The following ENPP5 variants were observed in gnomAD, a reference collection of about 807,000 sequenced individuals.
The protein encoded by ENPP5 is E-NPP 5.
ENPP5 carries 27 observed loss-of-function variants against 33.7 expected under a neutral mutation model. The ratio of observed to expected loss-of-function variants is 0.80; its 90% confidence interval spans 0.59 to 1.11. The LOEUF is 1.11. Ranked by LOEUF, ENPP5 falls within the 50% of genes least tolerant of loss-of-function variation. ENPP5 has a pLI of 0.00. For missense variants in ENPP5, 552 were observed against 579.2 expected (o/e 0.95, Z 0.48); for synonymous variants, 199 against 200.5 (o/e 0.99, Z 0.06).
chr6:46,169,676 G>C (rs1764678321), intron 2 of ENPP5, among the ~76,000 whole-genome samples: 1 of 152,200 alleles, frequency 6.6e-6, no homozygotes, highest in African/African-American at 2.4e-5. Flanking sequence ...TTACAGGCAT[G>C]AGCCACCGCA....
At chr6:46,164,787 G>C (rs1581969197) in intron 4 of ENPP5, among the ~76,000 whole-genome samples, 1 of 144,872 alleles carries the variant, frequency 6.9e-6, no homozygotes, top group Non-Finnish European at 1.5e-5. Flanking sequence ...CGCCCAGGCT[G>C]GAGTGCAGTG....
Position 46,161,746 on chromosome 6 carries a change from G to A in ENPP5, c.1014C>T (p.Asn338=). 1 of 1,606,672 alleles carries A rather than the reference G, an allele frequency of 6.2e-7. No homozygotes were observed. The highest frequency in any genetic ancestry group is 8.5e-7 in the Non-Finnish European group (1 of 1,178,654). The stretch of plus-strand genomic sequence containing the variant: ...CTGCTAACGCATTATCGTAACCGTG[G>A]TTGCCTACTGTAAAGAGAAAATATG... ...QNKSDDFLLG[N]HGYDNALADM... is the part of the protein sequence containing the mutation. The change falls in exon 5 of 5, where the codon AAC becomes AAT. Residue 338 remains asparagine, a synonymous_variant. Transcript: ENST00000371383.
intron 3 of ENPP5, among the ~76,000 whole-genome samples, chr6:46,166,397 A>T (rs974052529): frequency 6.7e-6 from 1 of 150,176 alleles, no homozygotes. Context: ...GGGCTCAAGC[A>T]ACCCTTCCAC....
In ENPP5 at chr6:46,161,674, AT is replaced by A. The variant is rs1381488240; in HGVS notation, c.1085del (p.Asn362IlefsTer7). 1 of 1,613,928 alleles carries A rather than the reference AT, an allele frequency of 6.2e-7. No homozygotes were observed. Among genetic ancestry groups the A allele is most frequent in the Non-Finnish European group, 8.5e-7 (1 of 1,179,870 alleles). On this transcript the variant is annotated frameshift_variant, in exon 5 of 5. Coordinates refer to ENST00000371383, the MANE Select transcript of ENPP5 (RefSeq NM_001290072.2). LOFTEE classifies it high-confidence loss of function. The part of the protein sequence containing the change: ...FLAHGPAFRK[N>X]FSKEAMNSTD... The stretch of plus-strand genomic sequence containing the variant: ...TGGAGTTCATGGCTTCTTTTGAGAA[AT>A]TCTTTCTGAAGGCAGGACCATGGGC...
In ENPP5 at chr6:46,161,560, A is replaced by G. The variant is rs372833762; in HGVS notation, c.1200T>C (p.Asn400=). The change falls in exon 5 of 5, where the codon AAT becomes AAC. Residue 400 remains asparagine, a synonymous_variant. Coordinates refer to ENST00000371383, the MANE Select transcript of ENPP5 (RefSeq NM_001290072.2). ...GSFWNVQDLL[N]SAMPRVVPYT... is the part of the protein sequence containing the mutation. ...AAGGGACCACCCTTGGCATTGCTGA[A>G]TTGAGCAGATCCTGGACATTCCAGA... The G allele has an allele frequency of 2.5e-6, 4 of 1,614,106 alleles. No homozygotes were observed. Among genetic ancestry groups the G allele is most frequent in the Non-Finnish European group, 3.4e-6 (4 of 1,179,964 alleles).
rs1368444908 is a variant in ENPP5 at position 46,168,225 on chromosome 6, G to GCCTGAGGACAC, written c.37_38insGTGTCCTCAGG (p.Ala13GlyfsTer7). 1.0e-5 allele frequency: 16 copies of GCCTGAGGACAC among 1,605,198 alleles called. No individual in the cohort carries two copies. Among genetic ancestry groups the GCCTGAGGACAC allele is most frequent in the Admixed American group, 1.7e-5 (1 of 59,292 alleles). On this transcript the variant is annotated frameshift_variant, in exon 3 of 5. Transcript: ENST00000371383. LOFTEE classifies it high-confidence loss of function. ...AAAGGTGGTTGAAAGACTCAGTGCA[G>GCCTGAGGACAC]CAAGTATGAAGGACACCAAGAGAAA...
At chr6:46,167,363 C>A in intron 3 of ENPP5, 71 bp downstream of exon 3, 1 of 973,740 alleles carries the variant, frequency 1.0e-6, no homozygotes, top group African/African-American at 1.6e-5. Context: ...CAACAGAAAT[C>A]CCTGTTCATT....
At chr6:46,169,455 C>G (rs1009391906) in intron 2 of ENPP5, among the ~76,000 whole-genome samples, 1 of 151,012 alleles carries the variant, frequency 6.6e-6, no homozygotes, top group African/African-American at 2.4e-5. Flanking sequence ...TGCGGTGGCA[C>G]GATCTCAGCT....
In ENPP5 at chr6:46,167,858, A is replaced by C. The variant is rs745535214; in HGVS notation, c.405T>G (p.Gly135=). The change falls in exon 3 of 5, where the codon GGT becomes GGG. Residue 135 remains glycine (G), a synonymous_variant. Transcript: ENST00000371383. ...CATCTGTTCCGGGCCACATGGCTGC[A>C]CCACTAGTATGTCCTGCCCTCTGGT... ...ITNQRAGHTS[G]AAMWPGTDVK... The C allele has an allele frequency of 1.2e-6, 2 of 1,614,224 alleles. No individual in the cohort carries two copies. The highest frequency in any genetic ancestry group is 1.7e-6 in the Non-Finnish European group (2 of 1,180,048).
chr6:46,161,447 G>A lies in ENPP5; in HGVS notation c.1313C>T (p.Ser438Phe). ...TACAATCACTATAATGCTGCCAAGA[G>A]AGACCCCTATGAAATAAGGGTATGA... ...EGSYPYFIGV[S>F]LGSIIVIVFF... is the part of the protein sequence containing the mutation. Residue 438 changes from serine (S) to phenylalanine (F), a missense_variant, in exon 5 of 5, where the codon TCT (serine) becomes TTT (phenylalanine). Physicochemically the swap from Ser to Phe is radical, Grantham distance 155. Coordinates refer to ENST00000371383, the MANE Select transcript of ENPP5 (RefSeq NM_001290072.2). 1 of 1,613,710 alleles carries A rather than the reference G, an allele frequency of 6.2e-7. No homozygotes were observed. Among genetic ancestry groups the A allele is most frequent in the African/African-American group, 1.3e-5 (1 of 75,036 alleles).
chr6:46,170,533 G>A (rs1328252973), intron 1 of ENPP5, among the ~76,000 whole-genome samples: 1 of 152,106 alleles, frequency 6.6e-6, no homozygotes, highest in African/African-American at 2.4e-5. Context: ...GAAGGACGGG[G>A]CACCGATTAA....
chr6:46,167,600 C>T lies in ENPP5; in HGVS notation c.663G>A (p.Met221Ile). ...TGTTCCACAACTTTGCCTTTTTCAG[C>T]ATTTGTATGAGATATCCTAACTTCT... ...IDKKLGYLIQ[M>I]LKKAKLWNTL... The change falls in exon 3 of 5, where the codon ATG becomes ATA. Residue 221 changes from methionine (M) to isoleucine (I), a missense_variant. Physicochemically the swap from Met to Ile is conservative, Grantham distance 10 (BLOSUM62 1). Transcript: ENST00000371383. The T allele has an allele frequency of 6.2e-7, 1 of 1,614,190 alleles. No individual in the cohort carries two copies. The highest frequency in any genetic ancestry group is 1.6e-4 in the Middle Eastern group (1 of 6,062).
rs1489096807 is a variant in ENPP5 at position 46,167,653 on chromosome 6, T to C, written c.610A>G (p.Met204Val). 4 of 1,614,082 alleles carry C rather than the reference T, an allele frequency of 2.5e-6. No individual in the cohort carries two copies. In the African/African-American group the frequency reaches 5.3e-5, roughly 22 times the overall value. Residue 204 changes from methionine to valine, a missense_variant, in exon 3 of 5, where the codon ATG (methionine) becomes GTG (valine). Coordinates refer to ENST00000371383, the MANE Select transcript of ENPP5 (RefSeq NM_001290072.2). The part of the protein sequence containing the change: ...GHHLGPDSPL[M>V]GPVISDIDKK... ...TCAATATCTGAAATGACAGGCCCCA[T>C]GAGCGGACTGTCAGGTCCCAAATGG...
At chr6:46,163,840 T>C (rs1764461993) in intron 4 of ENPP5, among the ~76,000 whole-genome samples, 1 of 152,138 alleles carries the variant, frequency 6.6e-6, no homozygotes, top group African/African-American at 2.4e-5. Flanking sequence ...AAACAAGAAA[T>C]GGGGAAAGGA....
chr6:46,161,481 G>C lies in ENPP5; in HGVS notation c.1279C>G (p.Gln427Glu), dbSNP rs1277801740. Residue 427 changes from glutamine to glutamate, a missense_variant, in exon 5 of 5, where the codon CAA becomes GAA. Gln to Glu is a conservative substitution (Grantham distance 29). Coordinates refer to ENST00000371383, the MANE Select transcript of ENPP5 (RefSeq NM_001290072.2). ...ATGAAATAAGGGTATGACCCCTCTT[G>C]GTCATATTCTGCTGGTTTAACACTA... ...PGSVKPAEYD[Q>E]EGSYPYFIGV... 6.2e-7 allele frequency: 1 copy of C among 1,613,916 alleles called. No homozygotes were observed. Among genetic ancestry groups the C allele is most frequent in the Non-Finnish European group, 8.5e-7 (1 of 1,179,958 alleles).
In ENPP5 at chr6:46,167,415, T is replaced by C. The variant is rs1407431712; in HGVS notation, c.829+19A>G. ...ATGCACATCTAGTCTCAGCTCACCA[T>C]TCATTCAGTCAGCCTTACCTTCTTT... On this transcript the variant is annotated intron_variant, in intron 3 of 4. Coordinates refer to ENST00000371383, the MANE Select transcript of ENPP5 (RefSeq NM_001290072.2). 1.3e-6 allele frequency: 2 copies of C among 1,505,142 alleles called. No homozygotes were observed. Among genetic ancestry groups the C allele is most frequent in the Non-Finnish European group, 1.8e-6 (2 of 1,085,918 alleles). The allele number at this position is 1,505,142 out of a possible 1,614,324, so 93.2% of individuals were successfully genotyped here.
intron 4 of ENPP5, among the ~76,000 whole-genome samples, chr6:46,164,004 C>T (rs1214787822): frequency 2.0e-5 from 3 of 152,136 alleles, no homozygotes; most frequent in African/African-American, 2.4e-5. Context: ...TAGAAGAAAA[C>T]CTAGGCATTA....
In ENPP5 at chr6:46,162,374, G is replaced by A. The variant is rs529661726; in HGVS notation, c.1007-621C>T. On this transcript the variant is annotated intron_variant, in intron 4 of 4. Coordinates refer to ENST00000371383, the MANE Select transcript of ENPP5 (RefSeq NM_001290072.2). ...CTTAGCATTATGTGCTTTTAGTGTG[G>A]CTACAAATAAGGTAAAAACTTGGGG... Among the ~76,000 whole-genome samples, 12 of 152,220 alleles carry A rather than the reference G, an allele frequency of 7.9e-5. 1 individual carries two copies. The highest frequency in any genetic ancestry group is 2.6e-4 in the African/African-American group (11 of 41,534).
Position 46,165,559 on chromosome 6 carries a change from T to C in ENPP5, c.834A>G (p.Lys278=). Residue 278 remains lysine, a synonymous_variant, in exon 4 of 5, where the codon AAA becomes AAG. Coordinates refer to ENST00000371383, the MANE Select transcript of ENPP5 (RefSeq NM_001290072.2). ...TTAGTGCTTCATAGACTTCATCAAA[T>C]TTACCTAAAGAGAAGGGAGGAGAGG... ...PVAAILPKEG[K]FDEVYEALTH... The C allele has an allele frequency of 6.4e-7, 1 of 1,561,808 alleles. No homozygotes were observed. The highest frequency in any genetic ancestry group is 8.6e-7 in the Non-Finnish European group (1 of 1,161,430).
Sources: allele counts gnomAD v4.1 joint callset (sites outside exome capture counted in the v4.1 genomes callset), GRCh38; gene constraint gnomAD v4.1.1; transcripts MANE v1.5; gene names NCBI Gene and HGNC (gene_info 2026-07-23, HGNC 2026-07-21).